The following TNR variants were observed in gnomAD, a reference collection of about 807,000 sequenced individuals.
TNR encodes the protein tenascin R, also known as tenascin-R.
In TNR, 45 loss-of-function variants were observed where a neutral mutation model predicts 150.4. The observed-to-expected ratio is 0.30, with a 90% CI of 0.24 to 0.38. TNR has a LOEUF of 0.38. Among genes scored for constraint, TNR ranks in the 10% least tolerant of loss-of-function variants. TNR has a pLI of 1.00. For synonymous variants in TNR, 687 were observed against 678.4 expected (o/e 1.01, Z -0.20); for missense variants, 1,544 against 1,759.1 (o/e 0.88, Z 2.19).
intron 1 of TNR, among the ~76,000 whole-genome samples, chr1:175,584,178 A>G (rs189080571): frequency 6.6e-6 from 1 of 152,336 alleles, no homozygotes; most frequent in African/African-American, 2.4e-5. Flanking sequence ...CCCAATTAAA[A>G]TGAGGTAATT....
intron 1 of TNR, among the ~76,000 whole-genome samples, chr1:175,661,517 C>T (rs932575887): frequency 1.8e-4 from 28 of 152,236 alleles, no homozygotes; most frequent in African/African-American, 6.3e-4. Flanking sequence ...AAAAGGGTTT[C>T]TAGACCTCTT....
At chr1:175,460,854 A>G (rs1656782489) in intron 2 of TNR, among the ~76,000 whole-genome samples, 1 of 152,216 alleles carries the variant, frequency 6.6e-6, no homozygotes, top group African/African-American at 2.4e-5. Flanking sequence ...GGGGTTGAGG[A>G]GTACCCACAC....
At chr1:175,486,581 C>G (rs1557963210) in intron 2 of TNR, among the ~76,000 whole-genome samples, 1 of 152,210 alleles carries the variant, frequency 6.6e-6, no homozygotes, top group African/African-American at 2.4e-5. Flanking sequence ...CTGCAATAAA[C>G]ATACACATGT....
chr1:175,496,628 C>G (rs564281541), intron 2 of TNR, among the ~76,000 whole-genome samples: 47 of 152,272 alleles, frequency 3.1e-4, no homozygotes, highest in African/African-American at 1.1e-3. Flanking sequence ...CATCTCACCC[C>G]CTACAAGACC....
At chr1:175,653,667 C>T (rs1429576154) in intron 1 of TNR, among the ~76,000 whole-genome samples, 1 of 152,092 alleles carries the variant, frequency 6.6e-6, no homozygotes, top group East Asian at 1.9e-4. Context: ...GAAAGAAAAG[C>T]CAAGTGTTGG....
At position 175,540,798 on chromosome 1, in the gene TNR, C is replaced by T. The variant is rs116317140; in HGVS notation, c.-164-12429G>A. On this transcript the variant is annotated intron_variant, in intron 1 of 22. Transcript: ENST00000367674. ...TTCTCCTCACTGGGTTTCCTACTTC[C>T]ACTCTCAGCCCGCTTCTAATCCATT... 2.3e-3 allele frequency among the ~76,000 whole-genome samples: 351 copies of T among 152,244 alleles called. 2 individuals are homozygous for T. The highest frequency in any genetic ancestry group is 8.1e-3 in the African/African-American group (335 of 41,540).
intron 1 of TNR, among the ~76,000 whole-genome samples, chr1:175,633,268 G>A (rs1664389792): frequency 6.6e-6 from 1 of 152,124 alleles, no homozygotes; most frequent in African/African-American, 2.4e-5. Flanking sequence ...TAATTAGACT[G>A]TATGCATCTT....
intron 2 of TNR, among the ~76,000 whole-genome samples, chr1:175,524,240 G>A (rs990758162): frequency 2.6e-5 from 4 of 152,054 alleles, no homozygotes; most frequent in South Asian, 2.1e-4. Flanking sequence ...GTGGCACCTA[G>A]TATATGCTAC....
In TNR at chr1:175,699,063, G is replaced by A. The variant is rs748508491; in HGVS notation, c.-165+44163C>T. The stretch of plus-strand genomic sequence containing the variant: ...GGTGCCACAGCAGCCCAGGCACAAG[G>A]TGATGGAGACAGGGGAAGTGATAAG... On this transcript the variant is annotated intron_variant, in intron 1 of 22. Coordinates refer to ENST00000367674, the MANE Select transcript of TNR (RefSeq NM_003285.3). Among the ~76,000 whole-genome samples the A allele has an allele frequency of 2.0e-4, 30 of 152,204 alleles. 1 individual carries two copies. Among genetic ancestry groups the A allele is most frequent in the Non-Finnish European group, 8.8e-5 (6 of 68,038 alleles).
intron 1 of TNR, among the ~76,000 whole-genome samples, chr1:175,615,397 G>A (rs186379111): frequency 1.1e-4 from 16 of 152,320 alleles, no homozygotes; most frequent in African/African-American, 3.8e-4. Context: ...TTTTAAACAT[G>A]TATTGGGAGA....
chr1:175,709,041 G>C (rs1472579901), intron 1 of TNR, among the ~76,000 whole-genome samples: 1 of 150,872 alleles, frequency 6.6e-6, no homozygotes, highest in East Asian at 1.9e-4. Context: ...GGTGTGGTGA[G>C]TGTCGCCTCA....
chr1:175,390,835 A>T (rs958138732), intron 7 of TNR, among the ~76,000 whole-genome samples: 1 of 152,238 alleles, frequency 6.6e-6, no homozygotes, highest in African/African-American at 2.4e-5. Flanking sequence ...TCCTCATATT[A>T]ACTTAATGAA....
At chr1:175,368,347 T>C (rs1651933473) in intron 9 of TNR, among the ~76,000 whole-genome samples, 1 of 152,242 alleles carries the variant, frequency 6.6e-6, no homozygotes, top group Admixed American at 6.5e-5. Flanking sequence ...TTAATCTATC[T>C]TCAAAGCCAG....
chr1:175,679,932 C>T (rs1250833367), intron 1 of TNR, among the ~76,000 whole-genome samples: 1 of 152,124 alleles, frequency 6.6e-6, no homozygotes, highest in Admixed American at 6.5e-5. Flanking sequence ...AGAGGTCCTC[C>T]GAGTACTGTG....
At chr1:175,716,029 C>T (rs937588621) in intron 1 of TNR, among the ~76,000 whole-genome samples, 3 of 152,200 alleles carry the variant, frequency 2.0e-5, no homozygotes, top group Non-Finnish European at 2.9e-5. Context: ...GACTCTGTTG[C>T]CCATTGCCCA....
At chr1:175,387,973 T>A (rs859441) in intron 7 of TNR, among the ~76,000 whole-genome samples, 100,827 of 152,164 alleles carry the variant, frequency 0.66, 33,632 homozygotes, top group East Asian at 0.83. Flanking sequence ...GGTTTGGACT[T>A]AAAATGAAGT....
intron 4 of TNR, among the ~76,000 whole-genome samples, chr1:175,397,281 A>G (rs1653480332): frequency 6.6e-6 from 1 of 152,224 alleles, no homozygotes; most frequent in Non-Finnish European, 1.5e-5. Context: ...ACTCTACTAC[A>G]CATCTGTTTC....
intron 1 of TNR, among the ~76,000 whole-genome samples, chr1:175,655,948 T>C (rs1665158634): frequency 6.6e-6 from 1 of 152,094 alleles, no homozygotes; most frequent in Non-Finnish European, 1.5e-5. Flanking sequence ...TTACACAAGT[T>C]GTGCTGTCCA....
intron 4 of TNR, among the ~76,000 whole-genome samples, chr1:175,402,565 G>A (rs907629314): frequency 1.8e-4 from 27 of 152,122 alleles, no homozygotes; most frequent in Admixed American, 2.0e-4. Context: ...CTTTATTCCT[G>A]TTTAGATTTA....
Sources: allele counts gnomAD v4.1 joint callset (sites outside exome capture counted in the v4.1 genomes callset), GRCh38; gene constraint gnomAD v4.1.1; transcripts MANE v1.5; gene names NCBI Gene and HGNC (gene_info 2026-07-23, HGNC 2026-07-21).